Variants in TULP2 observed in about 807,000 individuals in gnomAD.
TULP2 encodes the protein TUB like protein 2, also known as tubby-related protein 2.
In TULP2, 64 loss-of-function variants were observed where a neutral mutation model predicts 60.3. The observed-to-expected ratio is 1.06, with a 90% confidence interval of 0.87 to 1.31. The LOEUF is 1.31. TULP2 is among the 50% of genes most tolerant of loss of function. The pLI is 0.00. For missense variants in TULP2, 652 were observed against 667.0 expected (o/e 0.98, Z 0.25); for synonymous variants, 267 against 265.4 (o/e 1.01, Z -0.06).
chr19:48,890,833 C>T (rs1446732584), intron 6 of TULP2, among the ~76,000 whole-genome samples: 2 of 152,104 alleles, frequency 1.3e-5, no homozygotes, highest in Non-Finnish European at 2.9e-5. Context: ...TAGGGTCTTT[C>T]CTTTTCCTTA....
chr19:48,892,939 T>G (rs1231573945), intron 6 of TULP2, among the ~76,000 whole-genome samples: 2 of 148,478 alleles, frequency 1.3e-5, no homozygotes, highest in Non-Finnish European at 3.0e-5. Flanking sequence ...AAAAAAAAAA[T>G]CATTAGGTGA....
chr19:48,881,819 A>G (rs2037135339), intron 12 of TULP2, among the ~76,000 whole-genome samples: 1 of 152,166 alleles, frequency 6.6e-6, no homozygotes, highest in Admixed American at 6.6e-5. Flanking sequence ...CGCCAGGCCG[A>G]GAATGGAGAC....
intron 11 of TULP2, 128 bp downstream of exon 11, chr19:48,883,626 G>T: frequency 1.1e-6 from 1 of 924,014 alleles, no homozygotes; most frequent in Non-Finnish European, 1.7e-6. Context: ...AGTCCTTCAG[G>T]CTTCATGTGA....
At chr19:48,883,147 A>C (rs1035781448) in intron 11 of TULP2, among the ~76,000 whole-genome samples, 1 of 151,188 alleles carries the variant, frequency 6.6e-6, no homozygotes, top group Non-Finnish European at 1.5e-5. Flanking sequence ...TGAGCCGGGG[A>C]GGTCGAGCTT....
In TULP2 at chr19:48,897,699, C is replaced by T; in HGVS notation, c.32+138G>A. 1.0e-6 allele frequency: 1 copy of T among 993,508 alleles called. No individual in the cohort carries two copies. Among genetic ancestry groups the T allele is most frequent in the Non-Finnish European group, 1.6e-6 (1 of 624,242 alleles). 61.5% of individuals were successfully genotyped at this position (993,508 alleles called of 1,614,324 possible). A position where few individuals can be genotyped will look rare whatever the true frequency, so the allele number is the denominator to read the frequency against. ...ACCCTAGCCCCATCCCTTCAGGACACAGGAGTCCAGGTCCCCAGCCCCTTC... is the reference window on the plus strand; with the variant it reads ...ACCCTAGCCCCATCCCTTCAGGACATAGGAGTCCAGGTCCCCAGCCCCTTC... On this transcript the variant is annotated intron_variant, in intron 2 of 12. Transcript: ENST00000221399. This position sits in a 1 kb window ranked among gnomAD's most constrained non-coding sequence, Gnocchi z 4.0.
intron 12 of TULP2, 130 bp downstream of exon 12, chr19:48,881,902 C>T: frequency 8.4e-7 from 1 of 1,192,460 alleles, no homozygotes; most frequent in South Asian, 1.3e-5. Flanking sequence ...TCCCAATAGG[C>T]TTTGCAATAG....
chr19:48,897,416 A>T lies in TULP2; in HGVS notation c.33-20T>A. On this transcript the variant is annotated intron_variant, in intron 2 of 12. Coordinates refer to ENST00000221399, the MANE Select transcript of TULP2 (RefSeq NM_003323.3). This position sits in a 1 kb window ranked among gnomAD's most constrained non-coding sequence, Gnocchi z 4.0. ...AGGATGCTGAGAGAGACACAGGCCC[A>T]TGGTGACAGTGCACAGGGAACCTCG... 1 of 1,613,270 alleles carries T rather than the reference A, an allele frequency of 6.2e-7. No homozygotes were observed. Among genetic ancestry groups the T allele is most frequent in the South Asian group, 1.1e-5 (1 of 90,878 alleles).
At chr19:48,882,895 T>G (rs1383062043) in intron 11 of TULP2, among the ~76,000 whole-genome samples, 21 of 152,172 alleles carry the variant, frequency 1.4e-4, no homozygotes, top group Admixed American at 1.0e-3. Context: ...TTAAGAATGT[T>G]AGCACAGGTC....
rs866615664 is a variant in TULP2, at chr19:48,884,045, A to C, written c.1063T>G (p.Ser355Ala). ...GTGAACTTGGTGCTGAAGACATTGGATCTGCTCCAGGAAGGGAATGGATAG... is the reference window on the plus strand; with the variant it reads ...GTGAACTTGGTGCTGAAGACATTGGCTCTGCTCCAGGAAGGGAATGGATAG... ...DGDNFVGKVR[S>A]NVFSTKFTIF... Residue 355 changes from serine to alanine, a missense_variant and splice_region_variant, in exon 10 of 13, where the codon TCC becomes GCC. Transcript: ENST00000221399. 1.2e-6 allele frequency: 2 copies of C among 1,613,198 alleles called. No homozygotes were observed. The highest frequency in any genetic ancestry group is 3.3e-4 in the Middle Eastern group (2 of 6,060).
At chr19:48,890,040 C>A (rs1438510007) in intron 6 of TULP2, among the ~76,000 whole-genome samples, 2 of 152,178 alleles carry the variant, frequency 1.3e-5, no homozygotes, top group Non-Finnish European at 2.9e-5. Flanking sequence ...GACCGTCCCC[C>A]AGCCCGACAC....
intron 8 of TULP2, among the ~76,000 whole-genome samples, chr19:48,886,878 ATT>A (rs879506248): frequency 7.1e-5 from 10 of 141,554 alleles, no homozygotes; most frequent in Admixed American, 1.4e-4. Flanking sequence ...GGCCTGGCTA[ATT>A]TTTTTTTTTT....
At chr19:48,890,725 G>A (rs1034589463) in intron 6 of TULP2, among the ~76,000 whole-genome samples, 2 of 152,112 alleles carry the variant, frequency 1.3e-5, no homozygotes, top group Non-Finnish European at 2.9e-5. Flanking sequence ...TCATGACTCA[G>A]CGCCCTCACT....
At chr19:48,883,250 C>T (rs1424014196) in intron 11 of TULP2, among the ~76,000 whole-genome samples, 1 of 151,364 alleles carries the variant, frequency 6.6e-6, no homozygotes, top group African/African-American at 2.4e-5. Flanking sequence ...AAGAGAGAGT[C>T]TAAAAGAAGC....
chr19:48,897,321 TG>T lies in TULP2; in HGVS notation c.84+23del. 1 of 1,611,752 alleles carries T rather than the reference TG, an allele frequency of 6.2e-7. No homozygotes were observed. The highest frequency in any genetic ancestry group is 8.5e-7 in the Non-Finnish European group (1 of 1,179,158). On this transcript the variant is annotated intron_variant, in intron 3 of 12. Transcript: ENST00000221399. The surrounding 1 kb of genome is among the most constrained non-coding windows in gnomAD (Gnocchi z 4.0). The stretch of plus-strand genomic sequence containing the variant: ...GGCACAGAAGGCGGAAGAGTTGGAG[TG>T]GTGAGATTCCTGGGCACAATACCTG...
intron 8 of TULP2, among the ~76,000 whole-genome samples, chr19:48,887,644 G>A (rs1254916055): frequency 2.6e-5 from 4 of 151,772 alleles, no homozygotes; most frequent in Admixed American, 6.6e-5. Flanking sequence ...TGCAACCTCC[G>A]CTTCCCAGGT....
Position 48,896,509 on chromosome 19 carries a change from G to A in TULP2, c.132C>T (p.Leu44=), listed in dbSNP as rs774401947. 5 of 1,608,386 alleles carry A rather than the reference G, an allele frequency of 3.1e-6. No individual in the cohort carries two copies. The highest frequency in any genetic ancestry group is 3.4e-6 in the Non-Finnish European group (4 of 1,177,590). Residue 44 remains leucine, a synonymous_variant, in exon 4 of 13, where the codon CTC becomes CTT. Transcript: ENST00000221399. ...KKQRQKRQEL[L]MVQANPDASP... ...AAGCGTCAGGATTGGCCTGAACCAT[G>A]AGGAGCTCCTGGCGCTTCTGTCGCT...
Position 48,891,360 on chromosome 19 carries a change from C to G in TULP2, c.515-1729G>C, listed in dbSNP as rs919911932. 3.2e-3 allele frequency among the ~76,000 whole-genome samples: 452 copies of G among 140,272 alleles called. 2 individuals carry two copies. Among genetic ancestry groups the G allele is most frequent in the African/African-American group, 0.012 (419 of 36,002 alleles). 92.0% of individuals were successfully genotyped at this position (140,272 alleles called of 152,430 possible). On this transcript the variant is annotated intron_variant, in intron 6 of 12. Coordinates refer to ENST00000221399, the MANE Select transcript of TULP2 (RefSeq NM_003323.3). ...AAAAATTTGTTAGGTGGGCCAGGGGCGGTGGCTCATGCCTGTAATCCCAGC... is the reference window on the plus strand; with the variant it reads ...AAAAATTTGTTAGGTGGGCCAGGGGGGGTGGCTCATGCCTGTAATCCCAGC...
intron 4 of TULP2, 33 bp downstream of exon 4, chr19:48,896,397 T>C (rs2037281476): frequency 6.4e-7 from 1 of 1,559,082 alleles, no homozygotes; most frequent in African/African-American, 1.4e-5. Context: ...GCCCCTCCCC[T>C]CCAGGCGAAC....
In TULP2 at chr19:48,887,311, C is replaced by CTTTTTTTTTTTTTTTTTTTTTTTTTT. The variant is rs58640342; in HGVS notation, c.948+613_948+638dup. ...CAAGTGTGAGCCACCGCGCCCAGCC[C>CTTTTTTTTTTTTTTTTTTTTTTTTTT]TTTTTTTTTTTTTTTTTTTTTTTTT... On this transcript the variant is annotated intron_variant, in intron 8 of 12. Transcript: ENST00000221399. Among the ~76,000 whole-genome samples, 23 of 39,376 alleles carry CTTTTTTTTTTTTTTTTTTTTTTTTTT rather than the reference C, an allele frequency of 5.8e-4. 6 individuals carry two copies. Among genetic ancestry groups the CTTTTTTTTTTTTTTTTTTTTTTTTTT allele is most frequent in the Non-Finnish European group, 1.0e-3 (20 of 19,332 alleles). 25.8% of individuals were successfully genotyped at this position (39,376 alleles called of 152,430 possible). A position where few individuals can be genotyped will look rare whatever the true frequency, so the allele number is the denominator to read the frequency against.
Sources: gnomAD v4.1 joint callset for allele counts (sites outside exome capture counted in the v4.1 genomes callset) on GRCh38, gnomAD v4.1.1 for gene constraint, Gnocchi (gnomAD v3.1) non-coding constraint, MANE v1.5 for transcripts, NCBI Gene and HGNC (gene_info 2026-07-23, HGNC 2026-07-21) for gene names.